HNRNPA3: variants seen among roughly 807,000 people sequenced by gnomAD.
HNRNPA3 encodes the protein heterogeneous nuclear ribonucleoprotein A3, also known as epididymis secretory sperm binding protein.
HNRNPA3 carries 3 observed loss-of-function variants against 45.8 expected under a neutral mutation model. The observed-to-expected ratio is 0.07, with a 90% CI of 0.03 to 0.17. The LOEUF (loss-of-function observed/expected upper bound fraction) is 0.17, where lower values mean the gene tolerates loss of function less well. Among genes scored for constraint, HNRNPA3 ranks in the 10% least tolerant of loss-of-function variants. The pLI is 1.00. For missense variants in HNRNPA3, 183 were observed against 480.3 expected (o/e 0.38, Z 5.79); for synonymous variants, 170 against 155.6 (o/e 1.09, Z -0.69).
At chr2:177,221,898 T>G (rs1291102946), downstream of HNRNPA3, 1 of 152,670 alleles carries the variant, frequency 6.6e-6, no homozygotes, top group African/African-American at 2.4e-5. Context: ...TCTTCGCCTT[T>G]TGGAACATCA....
intron 8 of HNRNPA3, 60 bp from the exon 9 acceptor site, chr2:177,218,977 T>C (rs2105436129): frequency 6.3e-7 from 1 of 1,594,018 alleles, no homozygotes; most frequent in Non-Finnish European, 8.6e-7. Context: ...GTTACATACG[T>C]TAAAAGGGGA....
In HNRNPA3 at chr2:177,216,441, A is replaced by T. The variant is rs553533946; in HGVS notation, c.554-62A>T. The T allele has an allele frequency of 3.1e-5, 38 of 1,215,368 alleles. No individual in the cohort carries two copies. The East Asian group carries it at 5.9e-4, about 19-fold the overall frequency. 75.3% of individuals were successfully genotyped at this position (1,215,368 alleles called of 1,614,324 possible). On this transcript the variant is annotated intron_variant, in intron 4 of 10. Coordinates refer to ENST00000392524, the Ensembl canonical transcript of HNRNPA3. ...GTTACATAATGACAGAGGGTATCTC[A>T]TATATGTGCTTTTCCAAACATAAAA...
rs558325988 is a variant in HNRNPA3, at chr2:177,214,547, G to C, written c.73-992G>C. Among the ~76,000 whole-genome samples the C allele has an allele frequency of 4.5e-4, 69 of 152,304 alleles. 1 individual carries two copies. Among genetic ancestry groups the C allele is most frequent in the Non-Finnish European group, 9.3e-4 (63 of 68,016 alleles). On this transcript the variant is annotated intron_variant, in intron 1 of 10. Coordinates refer to ENST00000392524, the Ensembl canonical transcript of HNRNPA3. ...GCTGTGGCTCACGCCTGTAATTCTAGCACTTTGGGAGGCCGAGGCGGGCGG... is the reference window on the plus strand; with the variant it reads ...GCTGTGGCTCACGCCTGTAATTCTACCACTTTGGGAGGCCGAGGCGGGCGG...
chr2:177,221,675 G>A (rs1318429519), downstream of HNRNPA3: 2 of 152,636 alleles, frequency 1.3e-5, no homozygotes, highest in Non-Finnish European at 2.9e-5. Context: ...TAAGCACAGT[G>A]TGGATCACAG....
Position 177,216,847 on chromosome 2 carries a change from T to G in HNRNPA3, c.740-13T>G. 6.2e-7 allele frequency: 1 copy of G among 1,612,596 alleles called. No individual in the cohort carries two copies. Among genetic ancestry groups the G allele is most frequent in the Middle Eastern group, 1.7e-4 (1 of 5,948 alleles). Reference sequence around the variant, plus strand: ...GAATATATTATTTTAATTCATTTCTTGTTTTTCCTCAGGAGGCTATGGTGG... The same window carrying G: ...GAATATATTATTTTAATTCATTTCTGGTTTTTCCTCAGGAGGCTATGGTGG... On this transcript the variant is annotated splice_polypyrimidine_tract_variant and intron_variant, in intron 6 of 10. Transcript: ENST00000392524.
At chr2:177,221,709 G>C (rs1689193455), downstream of HNRNPA3, 1 of 152,640 alleles carries the variant, frequency 6.6e-6, no homozygotes, top group Non-Finnish European at 1.5e-5. Context: ...CAGGACTTCA[G>C]CAGCCTTTTG....
chr2:177,221,029 C>A (rs1689168935), downstream of HNRNPA3: 1 of 152,606 alleles, frequency 6.6e-6, no homozygotes, highest in African/African-American at 2.4e-5. Flanking sequence ...TCTCTTGTTG[C>A]TCTAATTCTG....
chr2:177,215,956 T>G (rs563940098), intron 3 of HNRNPA3, 22 bp from the exon 4 acceptor site: 1 of 1,598,344 alleles, frequency 6.3e-7, no homozygotes, highest in African/African-American at 1.4e-5. Flanking sequence ...TTTCTTGACT[T>G]AATATATTAC....
In HNRNPA3 at chr2:177,215,725, C is replaced by T. The variant is rs376027701; in HGVS notation, c.196-25C>T. ...AGAGAACCGGTGGAGGTGTTTTCAA[C>T]GTTATAAAACTTTTTATTTTGTAGG... is the stretch of plus-strand genomic sequence containing the variant. On this transcript the variant is annotated intron_variant, in intron 2 of 10. Transcript: ENST00000392524. The T allele has an allele frequency of 5.1e-6, 8 of 1,573,464 alleles. No homozygotes were observed. In the African/African-American group the frequency reaches 8.4e-5, roughly 16 times the overall value.
chr2:177,219,906 G>C (rs1031728060), exon 11 of HNRNPA3: 2 of 152,592 alleles, frequency 1.3e-5, no homozygotes, highest in African/African-American at 4.8e-5. Flanking sequence ...TATGAATTTT[G>C]CTAAAGTTAA....
At chr2:177,218,509 ATTGT>A (rs1239913504) in intron 8 of HNRNPA3, among the ~76,000 whole-genome samples, 1 of 152,180 alleles carries the variant, frequency 6.6e-6, no homozygotes, top group East Asian at 1.9e-4. Context: ...CCGGGAATAA[ATTGT>A]TTGAATACTC....
At chr2:177,213,259 C>T (rs946215162) in intron 1 of HNRNPA3, among the ~76,000 whole-genome samples, 3 of 152,166 alleles carry the variant, frequency 2.0e-5, no homozygotes, top group Non-Finnish European at 4.4e-5. Flanking sequence ...CGGGCGGCGG[C>T]CACATTGACA....
At chr2:177,213,478 C>T (rs1688780268) in intron 1 of HNRNPA3, among the ~76,000 whole-genome samples, 1 of 152,188 alleles carries the variant, frequency 6.6e-6, no homozygotes, top group Non-Finnish European at 1.5e-5. Flanking sequence ...GTCCTCTCCG[C>T]GAGAAGTCGA....
At chr2:177,214,738 T>C (rs1688856060) in intron 1 of HNRNPA3, among the ~76,000 whole-genome samples, 1 of 152,156 alleles carries the variant, frequency 6.6e-6, no homozygotes. Flanking sequence ...GAGGTTGCAG[T>C]GAGCCGAGAT....
exon 2 of HNRNPA3, chr2:177,215,577 G>C (rs1688898925): frequency 6.2e-7 from 1 of 1,613,824 alleles, no homozygotes. Flanking sequence ...TGAGAAAACT[G>C]TTTATTGGTG....
rs1239295565 is a variant in HNRNPA3, at chr2:177,216,755, A to G, written c.723A>G (p.Gly241=). Residue 241 remains glycine (G), a synonymous_variant, in exon 6 of 11, where the codon GGA becomes GGG. Transcript: ENST00000392524. Reference sequence around the variant, plus strand: ...GTGGAGGTAATTTTGGCCGTGGTGGAAACTTTGGTGGAAGAGGTAGGCTGT... The same window carrying G: ...GTGGAGGTAATTTTGGCCGTGGTGGGAACTTTGGTGGAAGAGGTAGGCTGT... 2.5e-6 allele frequency: 4 copies of G among 1,614,074 alleles called. No individual in the cohort carries two copies. The African/African-American group carries it at 4.0e-5, about 16-fold the overall frequency.
exon 8 of HNRNPA3, chr2:177,217,758 G>T (rs1454533736): frequency 6.2e-7 from 1 of 1,613,072 alleles, no homozygotes; most frequent in Non-Finnish European, 8.5e-7. Context: ...CTATGGTGGT[G>T]GTGGACCAGG....
chr2:177,213,806 T>G (rs191015539), intron 1 of HNRNPA3, among the ~76,000 whole-genome samples: 16 of 152,372 alleles, frequency 1.1e-4, no homozygotes, highest in Admixed American at 1.0e-3. Context: ...TGGTTGTAGT[T>G]TCCTGGAATT....
At chr2:177,217,334 C>T (rs1688984445) in intron 7 of HNRNPA3, among the ~76,000 whole-genome samples, 1 of 152,198 alleles carries the variant, frequency 6.6e-6, no homozygotes, top group Non-Finnish European at 1.5e-5. Context: ...AATTCATTGG[C>T]TTATTTGCCA....
Sources: allele counts gnomAD v4.1 joint callset (sites outside exome capture counted in the v4.1 genomes callset), GRCh38; gene constraint gnomAD v4.1.1; transcripts MANE v1.5; gene names NCBI Gene and HGNC (gene_info 2026-07-23, HGNC 2026-07-21).